Variants in MTO1 observed in about 807,000 individuals in gnomAD.
The protein encoded by MTO1 is mitochondrial tRNA translation optimization 1.
In MTO1, 46 loss-of-function variants were observed where a neutral mutation model predicts 71.6. The ratio of observed to expected loss-of-function variants is 0.64; its 90% CI spans 0.51 to 0.82. The LOEUF is 0.82. MTO1 is among the 40% of genes least tolerant of loss of function. The pLI is 0.00. For missense variants in MTO1, 773 were observed against 867.5 expected (o/e 0.89, Z 1.37); for synonymous variants, 297 against 312.1 (o/e 0.95, Z 0.51).
In MTO1 at chr6:73,466,602, T is replaced by G; in HGVS notation, c.531T>G (p.Val177=). Residue 177 remains valine, a synonymous_variant, in exon 3 of 12, where the codon GTT becomes GTG. Transcript: ENST00000498286. Reference sequence around the variant, plus strand: ...GGAAATGCCGTGTCAGTGGGGTTGTTTTGGGTACGTATTGGTTATAGATGG... The same window carrying G: ...GGAAATGCCGTGTCAGTGGGGTTGTGTTGGGTACGTATTGGTTATAGATGG... The part of the protein sequence containing the change: ...HTGKCRVSGV[V]LVDGSTVYAE... 1 of 1,612,418 alleles carries G rather than the reference T, an allele frequency of 6.2e-7. No homozygotes were observed. Among genetic ancestry groups the G allele is most frequent in the Non-Finnish European group, 8.5e-7 (1 of 1,178,476 alleles).
In MTO1 at chr6:73,477,412, A is replaced by G. The variant is rs1268310913; in HGVS notation, c.826-2320A>G. On this transcript the variant is annotated intron_variant, in intron 4 of 11. Coordinates refer to ENST00000498286, the MANE Select transcript of MTO1 (RefSeq NM_012123.4). Reference sequence around the variant, plus strand: ...ATGTCTCAAAAAAAAAAAAAAAAAAAAAAGAAATTCGGAGAATTTAACACT... The same window carrying G: ...ATGTCTCAAAAAAAAAAAAAAAAAAGAAAGAAATTCGGAGAATTTAACACT... Among the ~76,000 whole-genome samples, 871 of 151,372 alleles carry G rather than the reference A, an allele frequency of 5.8e-3. 5 individuals carry two copies. The highest frequency in any genetic ancestry group is 8.1e-3 in the Non-Finnish European group (550 of 67,808).
At chr6:73,490,625 G>T (rs1319570762) in intron 9 of MTO1, among the ~76,000 whole-genome samples, 3 of 151,884 alleles carry the variant, frequency 2.0e-5, no homozygotes, top group East Asian at 1.9e-4. Flanking sequence ...AAATCAGGAA[G>T]TATAAGGCCT....
At chr6:73,498,034 C>T (rs1772044514) in intron 11 of MTO1, 138 bp downstream of exon 11, 2 of 763,860 alleles carry the variant, frequency 2.6e-6, no homozygotes, top group Non-Finnish European at 4.0e-6. Flanking sequence ...GGCAACACAG[C>T]AAGACCCCAT....
At position 73,497,768 on chromosome 6, in the gene MTO1, C is replaced by T. The variant is rs2150044955; in HGVS notation, c.1789C>T (p.Gln597Ter). 3 of 1,613,836 alleles carry T rather than the reference C, an allele frequency of 1.9e-6. No homozygotes were observed. Among genetic ancestry groups the T allele is most frequent in the Non-Finnish European group, 2.5e-6 (3 of 1,179,874 alleles). Residue 597 changes from glutamine (Q) to a stop codon, truncating the protein, a stop_gained, in exon 11 of 12, where the codon CAA becomes TAA. Coordinates refer to ENST00000498286, the MANE Select transcript of MTO1 (RefSeq NM_012123.4). LOFTEE classifies it high-confidence loss of function. ...TYESVLFHQL[Q>*]EIKGVQQDEA... ...TGAATCAGTGTTGTTCCATCAACTACAAGAAATAAAGGGAGTTCAGCAAGA... is the reference window on the plus strand; with the variant it reads ...TGAATCAGTGTTGTTCCATCAACTATAAGAAATAAAGGGAGTTCAGCAAGA...
intron 4 of MTO1, 67 bp downstream of exon 4, chr6:73,473,721 C>CCT (rs1771220247): frequency 1.3e-6 from 1 of 791,888 alleles, no homozygotes; most frequent in African/African-American, 2.0e-5. Context: ...AGTACTGTAA[C>CCT]TTTTTTTTTT....
At chr6:73,482,686 TAG>T in intron 9 of MTO1, 66 bp downstream of exon 9, 1 of 1,370,300 alleles carries the variant, frequency 7.3e-7, no homozygotes, top group Non-Finnish European at 9.9e-7. Flanking sequence ...GATCATTTCA[TAG>T]AGACATTACC....
chr6:73,495,777 T>C (rs1771962960), intron 10 of MTO1, among the ~76,000 whole-genome samples: 1 of 152,204 alleles, frequency 6.6e-6, no homozygotes, highest in Non-Finnish European at 1.5e-5. Context: ...TATTTCATGA[T>C]ACCTTGAAGA....
intron 9 of MTO1, among the ~76,000 whole-genome samples, chr6:73,490,718 A>G (rs1002625222): frequency 9.0e-5 from 13 of 143,658 alleles, no homozygotes; most frequent in Admixed American, 7.6e-4. Context: ...GAAATTTTCT[A>G]TTTCTAAAAA....
At chr6:73,493,592 C>CTGT (rs1771892144) in intron 10 of MTO1, among the ~76,000 whole-genome samples, 1 of 150,768 alleles carries the variant, frequency 6.6e-6, no homozygotes. Context: ...GGTTTCATCA[C>CTGT]ATTGGCCAGG....
chr6:73,471,979 A>G (rs1771172237), intron 3 of MTO1, among the ~76,000 whole-genome samples: 1 of 149,512 alleles, frequency 6.7e-6, no homozygotes, highest in Admixed American at 6.8e-5. Context: ...TGAAGAATAA[A>G]CCTCCATTTT....
chr6:73,479,033 C>T (rs1477323640), intron 4 of MTO1, among the ~76,000 whole-genome samples: 2 of 151,322 alleles, frequency 1.3e-5, no homozygotes, highest in African/African-American at 4.8e-5. Context: ...GGATTACAGG[C>T]ACCCGCCACC....
chr6:73,482,033 C>G lies in MTO1; in HGVS notation c.1261-7C>G. 6.2e-7 allele frequency: 1 copy of G among 1,614,066 alleles called. No homozygotes were observed. Among genetic ancestry groups the G allele is most frequent in the Non-Finnish European group, 8.5e-7 (1 of 1,180,012 alleles). The stretch of plus-strand genomic sequence containing the variant: ...ATGGCCTTTTAAACATTTCAGTGCT[C>G]TTGTAGGGTGTGATAGCCGGAATCA... On this transcript the variant is annotated splice_region_variant and splice_polypyrimidine_tract_variant and intron_variant, in intron 7 of 11. Coordinates refer to ENST00000498286, the MANE Select transcript of MTO1 (RefSeq NM_012123.4).
At chr6:73,498,058 C>G (rs1358279145) in intron 11 of MTO1, among the ~76,000 whole-genome samples, 162 bp downstream of exon 11, 1 of 151,986 alleles carries the variant, frequency 6.6e-6, no homozygotes, top group African/African-American at 2.4e-5. Context: ...TACAAAAATA[C>G]AAAAATTAGC....
rs1050604207 is a variant in MTO1, at chr6:73,500,898, G to A, written c.*163G>A. On this transcript the variant is annotated 3_prime_UTR_variant, in exon 12 of 12. Coordinates refer to ENST00000498286, the MANE Select transcript of MTO1 (RefSeq NM_012123.4). ...ACAGAAATTATAATTGTGCTTTTTC[G>A]TGTATATGAAAAAACTAGTCGTAAA... The A allele has an allele frequency of 1.3e-5, 7 of 540,806 alleles. No homozygotes were observed. Among genetic ancestry groups the A allele is most frequent in the South Asian group, 6.8e-5 (1 of 14,744 alleles). The allele number at this position is 540,806 out of a possible 1,614,324, so 33.5% of individuals were successfully genotyped here. A position where few individuals can be genotyped will look rare whatever the true frequency, so the allele number is the denominator to read the frequency against.
chr6:73,466,489 A>G lies in MTO1; in HGVS notation c.418A>G (p.Lys140Glu). 6.2e-7 allele frequency: 1 copy of G among 1,614,108 alleles called. No individual in the cohort carries two copies. Among genetic ancestry groups the G allele is most frequent in the Non-Finnish European group, 8.5e-7 (1 of 1,179,942 alleles). ...DRKLYKQNMQ[K>E]EILNTPLLTV... is the part of the protein sequence containing the mutation. ...TTCAACTGGCATTTTCTTTTGACAG[A>G]AAGAAATCTTGAATACACCACTGCT... Residue 140 changes from lysine to glutamate, a missense_variant and splice_region_variant, in exon 3 of 12, where the codon AAA becomes GAA. By Grantham distance (56) the Lys-to-Glu change is moderately conservative. Coordinates refer to ENST00000498286, the MANE Select transcript of MTO1 (RefSeq NM_012123.4).
At chr6:73,467,644 T>TAAATAAATAG (rs1373451890) in intron 3 of MTO1, among the ~76,000 whole-genome samples, 1 of 52,220 alleles carries the variant, frequency 1.9e-5, no homozygotes, top group Non-Finnish European at 5.1e-5. Flanking sequence ...TAAATAAATA[T>TAAATAAATAG]AAAAGAAATT....
chr6:73,468,403 G>A (rs542170821), intron 3 of MTO1, among the ~76,000 whole-genome samples: 18 of 152,156 alleles, frequency 1.2e-4, no homozygotes, highest in African/African-American at 4.3e-4. Flanking sequence ...ACAGGCATGA[G>A]CACTGTGCCC....
In MTO1 at chr6:73,501,388, G is replaced by C. The variant is rs1258259343; in HGVS notation, c.*653G>C. The C allele has an allele frequency of 6.6e-6, 1 of 152,128 alleles. No individual in the cohort carries two copies. Among genetic ancestry groups the C allele is most frequent in the Non-Finnish European group, 1.5e-5 (1 of 68,022 alleles). The allele number at this position is 152,128 out of a possible 1,614,324, so 9.4% of individuals were successfully genotyped here. A position where few individuals can be genotyped will look rare whatever the true frequency, so the allele number is the denominator to read the frequency against. On this transcript the variant is annotated 3_prime_UTR_variant, in exon 12 of 12. Coordinates refer to ENST00000498286, the MANE Select transcript of MTO1 (RefSeq NM_012123.4). The stretch of plus-strand genomic sequence containing the variant: ...CACAGTGTGGATGGATACTTATTTG[G>C]TGACCTAGTTATGGGAGAATTGAGT...
chr6:73,465,152 GTTTTTTC>G (rs1340068081), intron 1 of MTO1, among the ~76,000 whole-genome samples: 1 of 151,424 alleles, frequency 6.6e-6, no homozygotes, highest in Admixed American at 6.6e-5. Flanking sequence ...GGGCTTCTTT[GTTTTTTC>G]TTTTTTCTTT....
Sources: allele counts gnomAD v4.1 joint callset (sites outside exome capture counted in the v4.1 genomes callset), GRCh38; gene constraint gnomAD v4.1.1; transcripts MANE v1.5; gene names NCBI Gene and HGNC (gene_info 2026-07-23, HGNC 2026-07-21).